Variants in CFAP299 observed in about 807,000 individuals in gnomAD.
CFAP299 encodes the protein cilia and flagella associated protein 299.
In CFAP299, 21 loss-of-function variants were observed where a neutral mutation model predicts 27.0. That is an observed-to-expected ratio of 0.78 (90% CI 0.55 to 1.12). The LOEUF (loss-of-function observed/expected upper bound fraction) is 1.12. Ranked by LOEUF, CFAP299 falls within the 50% of genes most tolerant of loss-of-function variation. CFAP299 has a pLI of 0.00. For synonymous variants in CFAP299, 104 were observed against 98.1 expected (o/e 1.06, Z -0.36); for missense variants, 310 against 276.6 (o/e 1.12, Z -0.86).
At chr4:80,524,989 G>A (rs975373602) in intron 2 of CFAP299, among the ~76,000 whole-genome samples, 1 of 152,068 alleles carries the variant, frequency 6.6e-6, no homozygotes. Context: ...GTATGACAAG[G>A]CCCTGGCTTT....
chr4:80,347,956 C>T (rs941879776), intron 1 of CFAP299, among the ~76,000 whole-genome samples: 2 of 152,156 alleles, frequency 1.3e-5, no homozygotes, highest in South Asian at 2.1e-4. Flanking sequence ...GAATAGAGAA[C>T]TGAGCAATAG....
At chr4:80,566,837 A>G (rs1341997807) in intron 2 of CFAP299, among the ~76,000 whole-genome samples, 2 of 152,112 alleles carry the variant, frequency 1.3e-5, no homozygotes, top group African/African-American at 4.8e-5. Flanking sequence ...GAAATCGAAC[A>G]CATTCAGACA....
At chr4:80,872,808 T>C in intron 4 of CFAP299, 1 of 739,074 alleles carries the variant, frequency 1.4e-6, no homozygotes, top group Non-Finnish European at 1.6e-6. Flanking sequence ...TCAAGTGAGC[T>C]ATTCTTTTTC....
At chr4:80,842,711 A>G (rs960763394) in intron 3 of CFAP299, among the ~76,000 whole-genome samples, 1 of 152,142 alleles carries the variant, frequency 6.6e-6, no homozygotes, top group Non-Finnish European at 1.5e-5. Flanking sequence ...TTGGCACCTA[A>G]GTAACAGCTG....
chr4:80,931,742 A>G (rs1736630093), intron 4 of CFAP299, among the ~76,000 whole-genome samples: 1 of 151,740 alleles, frequency 6.6e-6, no homozygotes, highest in South Asian at 2.1e-4. Context: ...ACACACACGC[A>G]CACACGCACA....
intron 3 of CFAP299, among the ~76,000 whole-genome samples, chr4:80,861,189 TC>T (rs1326943664): frequency 7.2e-5 from 11 of 152,176 alleles, no homozygotes; most frequent in African/African-American, 2.7e-4. Flanking sequence ...TCAGCGAGAC[TC>T]CGTGGGTGTA....
chr4:80,626,538 A>T (rs558507849), intron 3 of CFAP299, among the ~76,000 whole-genome samples: 11 of 151,956 alleles, frequency 7.2e-5, no homozygotes, highest in Middle Eastern at 3.4e-3. Flanking sequence ...AAAAATCAGG[A>T]CAGAAATAAA....
intron 2 of CFAP299, among the ~76,000 whole-genome samples, chr4:80,522,494 T>G (rs189884762): frequency 3.9e-5 from 6 of 152,092 alleles, no homozygotes; most frequent in African/African-American, 1.2e-4. Flanking sequence ...TGCACAGAAG[T>G]TTTTTAATTT....
chr4:80,690,592 G>C (rs1186786546), intron 3 of CFAP299, among the ~76,000 whole-genome samples: 3 of 151,918 alleles, frequency 2.0e-5, no homozygotes. Flanking sequence ...GAGAAAGCAG[G>C]AAAGATCCAA....
chr4:80,336,290 A>T (rs151097145), intron 1 of CFAP299, among the ~76,000 whole-genome samples: 19 of 152,282 alleles, frequency 1.2e-4, no homozygotes, highest in Middle Eastern at 6.8e-3. Context: ...TGGTATATTA[A>T]AGAACAGAAG....
At chr4:80,383,332 A>G (rs984635394) in intron 2 of CFAP299, among the ~76,000 whole-genome samples, 12 of 151,258 alleles carry the variant, frequency 7.9e-5, no homozygotes, top group African/African-American at 2.4e-4. Context: ...ACCCCAGAAT[A>G]TAAAATGAAA....
intron 3 of CFAP299, among the ~76,000 whole-genome samples, chr4:80,624,456 G>T (rs1905967): frequency 0.64 from 96,907 of 151,480 alleles, 34,126 homozygotes; most frequent in Non-Finnish European, 0.78. Context: ...GAGAAAAAAA[G>T]AAATATAAAT....
intron 2 of CFAP299, among the ~76,000 whole-genome samples, chr4:80,579,481 A>G (rs1560635443): frequency 6.6e-6 from 1 of 152,128 alleles, no homozygotes; most frequent in Non-Finnish European, 1.5e-5. Flanking sequence ...GGACAGTAAG[A>G]ATTCTATTGC....
chr4:80,788,735 G>T (rs930484106), intron 3 of CFAP299, among the ~76,000 whole-genome samples: 3 of 151,958 alleles, frequency 2.0e-5, no homozygotes, highest in African/African-American at 7.3e-5. Context: ...CTTCTCTGGG[G>T]GTGAGGGGAA....
At chr4:80,624,685 A>G (rs1288027184) in intron 3 of CFAP299, among the ~76,000 whole-genome samples, 1 of 152,072 alleles carries the variant, frequency 6.6e-6, no homozygotes, top group East Asian at 1.9e-4. Context: ...TAAAAATATT[A>G]TGACCAAACT....
chr4:80,596,459 C>T (rs1737067888), intron 3 of CFAP299, among the ~76,000 whole-genome samples: 2 of 152,098 alleles, frequency 1.3e-5, no homozygotes, highest in African/African-American at 4.8e-5. Context: ...ATAGCTTTCA[C>T]ATTTTCTTTT....
chr4:80,531,638 T>A (rs1379626629), intron 2 of CFAP299, among the ~76,000 whole-genome samples: 3 of 152,190 alleles, frequency 2.0e-5, no homozygotes, highest in Admixed American at 2.0e-4. Context: ...GAAAATAGAT[T>A]TCTGATTTGT....
chr4:80,922,253 G>T (rs1431161804), intron 4 of CFAP299, among the ~76,000 whole-genome samples: 6 of 151,928 alleles, frequency 3.9e-5, no homozygotes, highest in African/African-American at 1.5e-4. Flanking sequence ...TTGAGAAATT[G>T]CTATTAATAT....
At chr4:80,500,538 T>C (rs1157871069) in intron 2 of CFAP299, among the ~76,000 whole-genome samples, 1 of 152,140 alleles carries the variant, frequency 6.6e-6, no homozygotes, top group African/African-American at 2.4e-5. Context: ...ATTCTACTGG[T>C]TCAAAATAAT....
Sources: allele counts gnomAD v4.1 joint callset (sites outside exome capture counted in the v4.1 genomes callset), GRCh38; gene constraint gnomAD v4.1.1; transcripts MANE v1.5; gene names NCBI Gene and HGNC (gene_info 2026-07-23, HGNC 2026-07-21).